The following FER1L6 variants were observed in gnomAD, a reference collection of about 807,000 sequenced individuals.
FER1L6 encodes the protein fer-1 like family member 6.
A neutral mutation model predicts 219.2 loss-of-function variants in FER1L6; 177 were observed. The observed-to-expected ratio is 0.81, with a 90% CI of 0.71 to 0.91. The LOEUF (loss-of-function observed/expected upper bound fraction) is 0.91. Ranked by LOEUF, FER1L6 falls within the 40% of genes least tolerant of loss-of-function variation. The pLI, the probability that FER1L6 is intolerant of heterozygous loss-of-function variation, is 0.00. For synonymous variants in FER1L6, 768 were observed against 824.3 expected (o/e 0.93, Z 1.17); for missense variants, 2,153 against 2,259.9 (o/e 0.95, Z 0.96).
intron 1 of FER1L6, among the ~76,000 whole-genome samples, chr8:123,872,200 C>T (rs1294601347): frequency 1.3e-5 from 2 of 152,104 alleles, no homozygotes; most frequent in Non-Finnish European, 2.9e-5. Flanking sequence ...CTAAATCATT[C>T]GTGAGAGATC....
intron 22 of FER1L6, among the ~76,000 whole-genome samples, chr8:124,051,131 A>G (rs1176571761): frequency 2.0e-5 from 3 of 152,126 alleles, no homozygotes; most frequent in Non-Finnish European, 4.4e-5. Flanking sequence ...ACAAGAAGAG[A>G]CAAAAGAGAG....
At chr8:123,994,108 G>A (rs1233452818) in intron 12 of FER1L6, among the ~76,000 whole-genome samples, 1 of 152,226 alleles carries the variant, frequency 6.6e-6, no homozygotes, top group African/African-American at 2.4e-5. Flanking sequence ...CCTCCAGCCA[G>A]GAGGTGGTGC....
intron 1 of FER1L6, among the ~76,000 whole-genome samples, chr8:123,940,905 C>T (rs1441892213): frequency 6.6e-6 from 1 of 152,066 alleles, no homozygotes; most frequent in East Asian, 1.9e-4. Flanking sequence ...GAAGGAAAGG[C>T]ATGGAGGAGA....
At chr8:124,025,733 G>A (rs1449510675) in intron 18 of FER1L6, among the ~76,000 whole-genome samples, 2 of 152,152 alleles carry the variant, frequency 1.3e-5, no homozygotes, top group African/African-American at 4.8e-5. Context: ...TATTTTGATA[G>A]GAAGGGCATT....
At chr8:123,939,191 G>A in intron 1 of FER1L6, 1 of 985,330 alleles carries the variant, frequency 1.0e-6, no homozygotes, top group Non-Finnish European at 1.2e-6. Flanking sequence ...AGTCTCCACT[G>A]AGGTGAGCTA....
intron 12 of FER1L6, among the ~76,000 whole-genome samples, chr8:123,998,980 G>C (rs909677730): frequency 1.3e-5 from 2 of 152,142 alleles, no homozygotes; most frequent in African/African-American, 4.8e-5. Context: ...ACCCAAGACA[G>C]GTCCAGAAAT....
At chr8:124,053,993 C>T (rs1820166689) in intron 22 of FER1L6, among the ~76,000 whole-genome samples, 1 of 152,220 alleles carries the variant, frequency 6.6e-6, no homozygotes, top group Admixed American at 6.5e-5. Context: ...GTTGTTCTCC[C>T]AGACACTCCA....
intron 31 of FER1L6, among the ~76,000 whole-genome samples, chr8:124,074,251 G>T (rs931656575): frequency 6.6e-6 from 1 of 152,182 alleles, no homozygotes; most frequent in African/African-American, 2.4e-5. Context: ...AGAGTCATAG[G>T]GTCATGGATT....
At chr8:123,894,449 A>G (rs1812710451) in intron 1 of FER1L6, among the ~76,000 whole-genome samples, 1 of 152,206 alleles carries the variant, frequency 6.6e-6, no homozygotes, top group African/African-American at 2.4e-5. Context: ...AGCAGGACCT[A>G]TACTGAACCC....
At chr8:124,104,731 A>G (rs573431574) in intron 39 of FER1L6, among the ~76,000 whole-genome samples, 1 of 152,356 alleles carries the variant, frequency 6.6e-6, no homozygotes, top group African/African-American at 2.4e-5. Context: ...ATTTAGATGC[A>G]TGATCATATA....
At chr8:124,070,911 T>C (rs149571675) in intron 30 of FER1L6, among the ~76,000 whole-genome samples, 1 of 152,242 alleles carries the variant, frequency 6.6e-6, no homozygotes, top group African/African-American at 2.4e-5. Context: ...AGCCTACCAG[T>C]TGGACGATTA....
intron 1 of FER1L6, among the ~76,000 whole-genome samples, chr8:123,866,454 G>C (rs779102412): frequency 6.6e-6 from 1 of 152,074 alleles, no homozygotes; most frequent in Non-Finnish European, 1.5e-5. Flanking sequence ...ATAAACACGG[G>C]AGTGCAGATA....
Position 124,026,494 on chromosome 8 carries a change from G to T in FER1L6, c.2286+2898G>T, listed in dbSNP as rs146789163. 1.4e-4 allele frequency among the ~76,000 whole-genome samples: 22 copies of T among 152,226 alleles called. No homozygotes were observed. The East Asian group carries it at 4.2e-3, about 29-fold the overall frequency. On this transcript the variant is annotated intron_variant, in intron 18 of 40. Transcript: ENST00000522917. ...TTTGTGGGGCAGTATATAGACGGAG[G>T]GGAGGTATAGGAGAGAGAGAGATCC...
rs570691435 is a variant in FER1L6 at position 124,019,761 on chromosome 8, G to A, written c.2014-1789G>A. 1.1e-4 allele frequency among the ~76,000 whole-genome samples: 16 copies of A among 152,340 alleles called. No individual in the cohort carries two copies. In the South Asian group the frequency reaches 3.3e-3, roughly 32 times the overall value. On this transcript the variant is annotated intron_variant, in intron 16 of 40. Coordinates refer to ENST00000522917, the MANE Select transcript of FER1L6 (RefSeq NM_001039112.2). Reference sequence around the variant, plus strand: ...CTGAAGTTTACACATTAATGATTAAGACAGAAGATAGATAGGTAAACAGAA... The same window carrying A: ...CTGAAGTTTACACATTAATGATTAAAACAGAAGATAGATAGGTAAACAGAA...
intron 19 of FER1L6, among the ~76,000 whole-genome samples, chr8:124,038,268 C>T (rs958380590): frequency 6.6e-6 from 1 of 152,240 alleles, no homozygotes; most frequent in Non-Finnish European, 1.5e-5. Flanking sequence ...GGCAGCACCA[C>T]CTCCGCTATG....
rs1380453119 is a variant in FER1L6 at position 123,975,188 on chromosome 8, C to A, written c.565C>A (p.Pro189Thr). 6.2e-7 allele frequency: 1 copy of A among 1,611,216 alleles called. No individual in the cohort carries two copies. The highest frequency in any genetic ancestry group is 8.5e-7 in the Non-Finnish European group (1 of 1,179,106). ...FCNKWALLTD[P>T]GDIRTGTKGY... is the part of the protein sequence containing the mutation. ...CAACAAGTGGGCCCTGCTCACAGACCCTGGTGACATCAGGACTGGCACCAA... is the reference window on the plus strand; with the variant it reads ...CAACAAGTGGGCCCTGCTCACAGACACTGGTGACATCAGGACTGGCACCAA... Residue 189 changes from proline to threonine, a missense_variant, in exon 8 of 41, where the codon CCT becomes ACT. Coordinates refer to ENST00000522917, the MANE Select transcript of FER1L6 (RefSeq NM_001039112.2).
chr8:123,932,307 T>C (rs964470156), intron 1 of FER1L6, among the ~76,000 whole-genome samples: 4 of 151,906 alleles, frequency 2.6e-5, no homozygotes, highest in African/African-American at 9.7e-5. Context: ...CAGGGTTTCA[T>C]TATGGTGGCC....
intron 1 of FER1L6, among the ~76,000 whole-genome samples, chr8:123,941,874 A>C (rs1814256546): frequency 6.6e-6 from 1 of 152,114 alleles, no homozygotes; most frequent in Non-Finnish European, 1.5e-5. Flanking sequence ...CAGCTCTTGC[A>C]GTGCCATGAT....
At chr8:124,100,304 G>T (rs1822493547) in intron 37 of FER1L6, among the ~76,000 whole-genome samples, 1 of 152,186 alleles carries the variant, frequency 6.6e-6, no homozygotes, top group South Asian at 2.1e-4. Context: ...TGGGGATGGA[G>T]GAGGAAGACC....
Sources: allele counts gnomAD v4.1 joint callset (sites outside exome capture counted in the v4.1 genomes callset), GRCh38; gene constraint gnomAD v4.1.1; transcripts MANE v1.5; gene names NCBI Gene and HGNC (gene_info 2026-07-23, HGNC 2026-07-21).